The following PSG2 variants were observed in gnomAD, a reference collection of about 807,000 sequenced individuals.
PSG2 encodes the protein pregnancy-specific beta-1-glycoprotein 2.
A neutral mutation model predicts 36.2 loss-of-function variants in PSG2; 49 were observed. The observed-to-expected ratio is 1.35, with a 90% confidence interval of 1.08 to 1.72. The LOEUF is 1.72. Among genes scored for constraint, PSG2 ranks in the 40% most tolerant of loss-of-function variants. The pLI is 0.00. For missense variants in PSG2, 605 were observed against 407.2 expected, an observed-to-expected ratio of 1.49 and a Z score of -4.18; for synonymous variants, 261 against 155.6, an observed-to-expected ratio of 1.68 and a Z score of -5.04.
chr19:43,079,739 T>C (rs10426082), intron 2 of PSG2, among the ~76,000 whole-genome samples: 45,214 of 151,418 alleles, frequency 0.3, 8,856 homozygotes, highest in African/African-American at 0.53. Flanking sequence ...GGAGTACAGA[T>C]TAATCAGCTG....
At chr19:43,076,615 T>C (rs547939766) in intron 2 of PSG2, among the ~76,000 whole-genome samples, 1 of 151,674 alleles carries the variant, frequency 6.6e-6, no homozygotes, top group East Asian at 1.9e-4. Flanking sequence ...ATGTACCTCA[T>C]ATCAGTGGAT....
intron 4 of PSG2, among the ~76,000 whole-genome samples, chr19:43,068,601 A>G (rs1267150281): frequency 6.6e-6 from 1 of 151,780 alleles, no homozygotes; most frequent in Non-Finnish European, 1.5e-5. Context: ...AAACTCCTAG[A>G]AACACACAAA....
At chr19:43,066,022 G>C (rs1456078622) in intron 5 of PSG2, 3 of 158,154 alleles carry the variant, frequency 1.9e-5, no homozygotes, top group Non-Finnish European at 4.2e-5. Context: ...GAAGTGAGAA[G>C]CCTTAGTAAA....
chr19:43,077,064 T>C (rs1967907324), intron 2 of PSG2, among the ~76,000 whole-genome samples: 1 of 151,654 alleles, frequency 6.6e-6, no homozygotes, highest in Non-Finnish European at 1.5e-5. Context: ...ATGTTCTGAC[T>C]CTAGTAACAA....
chr19:43,071,927 G>C lies in PSG2; in HGVS notation c.737C>G (p.Pro246Arg). The part of the protein sequence containing the change: ...LHGPDLPRIH[P>R]SYTNYRSGDN... ...TCCTGAACGGTAATTGGTGTATGAA[G>C]GGTGAATTCTGGGGAGGTCTGGACC... The change falls in exon 4 of 6, where the codon CCT (proline) becomes CGT (arginine). Residue 246 changes from proline to arginine, a missense_variant. Coordinates refer to ENST00000406487, the MANE Select transcript of PSG2 (RefSeq NM_031246.4). The C allele has an allele frequency of 1.2e-6, 2 of 1,612,772 alleles. No individual in the cohort carries two copies. The highest frequency in any genetic ancestry group is 1.7e-6 in the Non-Finnish European group (2 of 1,179,370).
chr19:43,076,233 G>T (rs1371929817), intron 2 of PSG2, among the ~76,000 whole-genome samples: 1 of 151,590 alleles, frequency 6.6e-6, no homozygotes, highest in East Asian at 1.9e-4. Flanking sequence ...GTTTTCCCAG[G>T]TGTCTCATAG....
chr19:43,072,589 G>T (rs1260564171), intron 3 of PSG2: 13 of 1,611,332 alleles, frequency 8.1e-6, no homozygotes, highest in African/African-American at 1.3e-5. Context: ...TCTCCCTGGG[G>T]TTTAAGTTGT....
rs748632699 is a variant in PSG2 at position 43,069,785 on chromosome 19, G to A, written c.964+1915C>T. ...GCTTCATGATGCTGGATTTCACAAT[G>A]ATTTCCTGGTTGTAACAACAAAAGC... On this transcript the variant is annotated intron_variant, in intron 4 of 5. Transcript: ENST00000406487. 1.3e-4 allele frequency among the ~76,000 whole-genome samples: 19 copies of A among 151,708 alleles called. 1 individual carries two copies. Among genetic ancestry groups the A allele is most frequent in the Admixed American group, 3.3e-4 (5 of 15,242 alleles).
chr19:43,064,460 A>G lies in PSG2; in HGVS notation c.*182T>C, dbSNP rs1064946. The G allele has an allele frequency of 1.4e-4, 62 of 433,554 alleles. No homozygotes were observed. Among genetic ancestry groups the G allele is most frequent in the Admixed American group, 7.4e-4 (17 of 22,914 alleles). The allele number at this position is 433,554 out of a possible 1,614,324, so 26.9% of individuals were successfully genotyped here. On this transcript the variant is annotated 3_prime_UTR_variant, in exon 6 of 6. Transcript: ENST00000406487. ...ATTATTTAGTCCAATAACATTGAGT[A>G]TTTTTCTTCTTTGTCTTGAATTTCA...
chr19:43,065,189 A>G (rs535133679), intron 5 of PSG2, among the ~76,000 whole-genome samples: 4 of 151,802 alleles, frequency 2.6e-5, no homozygotes, highest in South Asian at 2.1e-4. Flanking sequence ...AAGGTTTAGC[A>G]TCACTTATCC....
At chr19:43,076,497 G>T (rs955741382) in intron 2 of PSG2, among the ~76,000 whole-genome samples, 1 of 151,746 alleles carries the variant, frequency 6.6e-6, no homozygotes. Context: ...TGGAAGTCTG[G>T]CCCTCATGGA....
chr19:43,075,399 A>G lies in PSG2; in HGVS notation c.664T>C (p.Ser222Pro), dbSNP rs774370948. 1.5e-5 allele frequency: 24 copies of G among 1,613,002 alleles called. No homozygotes were observed. Among genetic ancestry groups the G allele is most frequent in the South Asian group, 1.1e-4 (10 of 91,052 alleles). The stretch of plus-strand genomic sequence containing the variant: ...GGGTCACTGCGGCTGGCACTCCCTG[A>G]GTTCCGTATTTCACATTCATAGGGT... ...AGPYECEIRNSGSASRSDPVT... is the reference protein window; with the variant it reads ...AGPYECEIRNPGSASRSDPVT... Residue 222 changes from serine to proline, a missense_variant, in exon 3 of 6, where the codon TCA (serine) becomes CCA (proline). Coordinates refer to ENST00000406487, the MANE Select transcript of PSG2 (RefSeq NM_031246.4).
At chr19:43,065,169 T>C (rs1444008455) in intron 5 of PSG2, among the ~76,000 whole-genome samples, 1 of 151,648 alleles carries the variant, frequency 6.6e-6, no homozygotes, top group African/African-American at 2.4e-5. Context: ...CCCATAAATA[T>C]TATTTAGAGA....
intron 3 of PSG2, among the ~76,000 whole-genome samples, chr19:43,074,720 G>C (rs1336242743): frequency 7.2e-5 from 11 of 151,748 alleles, no homozygotes; most frequent in Admixed American, 5.9e-4. Flanking sequence ...TGGTCCTCTT[G>C]ATTATGAGAT....
At chr19:43,077,605 C>G (rs868446445) in intron 2 of PSG2, among the ~76,000 whole-genome samples, 1 of 151,844 alleles carries the variant, frequency 6.6e-6, no homozygotes, top group African/African-American at 2.4e-5. Flanking sequence ...TGAGGAAACA[C>G]TTGTGTGTGG....
chr19:43,076,904 G>A (rs1446830800), intron 2 of PSG2, among the ~76,000 whole-genome samples: 4 of 151,384 alleles, frequency 2.6e-5, no homozygotes, highest in Admixed American at 6.6e-5. Flanking sequence ...TCCACAATGC[G>A]CCAGTGAGCA....
intron 3 of PSG2, among the ~76,000 whole-genome samples, chr19:43,072,819 T>C (rs888869798): frequency 6.6e-5 from 10 of 151,794 alleles, no homozygotes; most frequent in South Asian, 2.1e-4. Context: ...CCGCCTGCTC[T>C]GTCTTAGGAA....
Position 43,072,686 on chromosome 19 carries a change from G to A in PSG2, c.710-732C>T, listed in dbSNP as rs183804027. 47 of 1,594,048 alleles carry A rather than the reference G, an allele frequency of 2.9e-5. No homozygotes were observed. The African/African-American group carries it at 4.7e-4, about 16-fold the overall frequency. ...TGTGGCACTTTTGATTCCTCCACAGGCATCCTTCAATCAGAGTTACCATCT... is the reference window on the plus strand; with the variant it reads ...TGTGGCACTTTTGATTCCTCCACAGACATCCTTCAATCAGAGTTACCATCT... On this transcript the variant is annotated intron_variant, in intron 3 of 5. Coordinates refer to ENST00000406487, the MANE Select transcript of PSG2 (RefSeq NM_031246.4).
chr19:43,065,828 C>G (rs150287313), intron 5 of PSG2: 3,099 of 151,874 alleles, frequency 0.02, 130 homozygotes, highest in East Asian at 0.096. Context: ...CACGAGGTCA[C>G]ATGTTGCTTG....
Sources: gnomAD v4.1 joint callset for allele counts (sites outside exome capture counted in the v4.1 genomes callset) on GRCh38, gnomAD v4.1.1 for gene constraint, MANE v1.5 for transcripts, NCBI Gene and HGNC (gene_info 2026-07-23, HGNC 2026-07-21) for gene names.